The following PRKCB variants were observed in gnomAD, a reference collection of about 807,000 sequenced individuals.
PRKCB encodes the protein protein kinase C beta type.
In PRKCB, 13 loss-of-function variants were observed where a neutral mutation model predicts 81.5. The observed-to-expected ratio is 0.16, with a 90% CI of 0.10 to 0.25. PRKCB has a LOEUF of 0.25. Among genes scored for constraint, PRKCB ranks in the 10% least tolerant of loss-of-function variants. The pLI, the probability that PRKCB is intolerant of heterozygous loss-of-function variation, is 1.00. For missense variants in PRKCB, 509 were observed against 875.7 expected (o/e 0.58, Z 5.29); for synonymous variants, 335 against 321.4 (o/e 1.04, Z -0.45).
intron 15 of PRKCB, among the ~76,000 whole-genome samples, chr16:24,190,265 C>T (rs1033621410): frequency 6.6e-6 from 1 of 152,108 alleles, no homozygotes; most frequent in Non-Finnish European, 1.5e-5. Context: ...TTGACTAATA[C>T]TTTTTCTTCT....
chr16:23,997,996 T>C (rs993578948), intron 3 of PRKCB, among the ~76,000 whole-genome samples: 2 of 152,122 alleles, frequency 1.3e-5, no homozygotes, highest in Non-Finnish European at 2.9e-5. Flanking sequence ...TCTGTGAGGG[T>C]GTTTTCAAGA....
At chr16:24,175,101 T>C (rs1026915778) in intron 12 of PRKCB, among the ~76,000 whole-genome samples, 2 of 152,178 alleles carry the variant, frequency 1.3e-5, no homozygotes, top group Non-Finnish European at 2.9e-5. Flanking sequence ...CATAGCTGCA[T>C]GAGTCATACC....
intron 8 of PRKCB, among the ~76,000 whole-genome samples, chr16:24,113,653 A>AC (rs1470447577): frequency 6.6e-6 from 1 of 150,846 alleles, no homozygotes; most frequent in Non-Finnish European, 1.5e-5. Flanking sequence ...ATCAGTGGGA[A>AC]CCAGTTAGGT....
chr16:24,092,128 A>G (rs1333672255), intron 5 of PRKCB, among the ~76,000 whole-genome samples: 2 of 152,178 alleles, frequency 1.3e-5, no homozygotes, highest in East Asian at 1.9e-4. Flanking sequence ...AGAAATTTTC[A>G]TCACCTCTAA....
rs145483013 is a variant in PRKCB, at chr16:24,022,634, G to C, written c.289-9502G>C. ...AGCCTCCTGAGTAGCTGGGACTAGA[G>C]GTGCATGCCGCCACGCCCGGCTAAT... On this transcript the variant is annotated intron_variant, in intron 3 of 16. Transcript: ENST00000643927. Among the ~76,000 whole-genome samples, 1,013 of 152,206 alleles carry C rather than the reference G, an allele frequency of 6.7e-3. 8 individuals carry two copies. The highest frequency in any genetic ancestry group is 0.024 in the African/African-American group (978 of 41,514).
chr16:24,144,595 C>T (rs933893623), intron 9 of PRKCB, among the ~76,000 whole-genome samples: 1 of 152,230 alleles, frequency 6.6e-6, no homozygotes, highest in Non-Finnish European at 1.5e-5. Flanking sequence ...GCCACCAAGC[C>T]CGGCCACTAC....
intron 16 of PRKCB, among the ~76,000 whole-genome samples, chr16:24,200,412 G>C (rs904045679): frequency 1.3e-5 from 2 of 152,178 alleles, no homozygotes; most frequent in African/African-American, 2.4e-5. Flanking sequence ...TTAAACTTCA[G>C]ATCAAACCAG....
chr16:24,086,534 A>G (rs1377196297), intron 5 of PRKCB, among the ~76,000 whole-genome samples: 1 of 152,166 alleles, frequency 6.6e-6, no homozygotes, highest in African/African-American at 2.4e-5. Context: ...GTTTTTAAGT[A>G]TCACCCTGCG....
At chr16:24,108,344 AAT>A (rs1966607381) in intron 7 of PRKCB, among the ~76,000 whole-genome samples, 2 of 118,460 alleles carry the variant, frequency 1.7e-5, no homozygotes, top group African/African-American at 8.1e-5. Context: ...TTTTTTTTTA[AAT>A]TTATTTATTT....
intron 2 of PRKCB, among the ~76,000 whole-genome samples, chr16:23,923,709 T>C (rs1304459965): frequency 3.3e-5 from 5 of 152,090 alleles, no homozygotes; most frequent in Non-Finnish European, 7.4e-5. Context: ...TGTGCAGCTC[T>C]AATAATGACA....
At chr16:24,209,226 G>A (rs1034884319) in intron 16 of PRKCB, among the ~76,000 whole-genome samples, 8 of 152,188 alleles carry the variant, frequency 5.3e-5, no homozygotes, top group East Asian at 1.9e-4. Context: ...AGAAAAACAC[G>A]CACGGGTCTG....
chr16:23,841,867 G>A (rs1417095744), intron 2 of PRKCB, among the ~76,000 whole-genome samples: 3 of 151,882 alleles, frequency 2.0e-5, no homozygotes, highest in African/African-American at 7.3e-5. Context: ...CGTTGGTTAG[G>A]CTGGTCTCGA....
intron 2 of PRKCB, among the ~76,000 whole-genome samples, chr16:23,937,720 G>A (rs1470631845): frequency 3.3e-5 from 5 of 152,138 alleles, no homozygotes; most frequent in Non-Finnish European, 2.9e-5. Flanking sequence ...ACTCAGCTTC[G>A]TACCAAGTGG....
intron 2 of PRKCB, among the ~76,000 whole-genome samples, chr16:23,967,198 T>C (rs1224870324): frequency 6.6e-6 from 1 of 152,198 alleles, no homozygotes; most frequent in Non-Finnish European, 1.5e-5. Flanking sequence ...GTGGAGGTTA[T>C]TGTGGCTTTT....
At position 24,216,294 on chromosome 16, in the gene PRKCB, T is replaced by G. The variant is rs1968227208; in HGVS notation, c.*1478T>G. ...GTGAATGGGGCTCTTGATTTTCTTA[T>G]CAAAATCACCACTCCTCCCAGCTTG... On this transcript the variant is annotated 3_prime_UTR_variant, in exon 17 of 17. Transcript: ENST00000643927. 1 of 985,398 alleles carries G rather than the reference T, an allele frequency of 1.0e-6. No homozygotes were observed. Among genetic ancestry groups the G allele is most frequent in the Non-Finnish European group, 1.2e-6 (1 of 829,930 alleles). The allele number at this position is 985,398 out of a possible 1,614,324, so 61.0% of individuals were successfully genotyped here.
At chr16:24,012,278 C>T (rs996960651) in intron 3 of PRKCB, among the ~76,000 whole-genome samples, 2 of 152,296 alleles carry the variant, frequency 1.3e-5, no homozygotes, top group East Asian at 3.9e-4. Flanking sequence ...TAATCCTCAC[C>T]CTATGAGAAA....
chr16:23,853,576 A>G (rs1962510525), intron 2 of PRKCB, among the ~76,000 whole-genome samples: 2 of 152,228 alleles, frequency 1.3e-5, no homozygotes, highest in South Asian at 4.1e-4. Context: ...CAGTCTCCAA[A>G]GCCATAATTT....
chr16:24,121,183 G>A (rs1277724807), intron 8 of PRKCB, among the ~76,000 whole-genome samples: 3 of 152,264 alleles, frequency 2.0e-5, no homozygotes, highest in East Asian at 3.9e-4. Flanking sequence ...TTCCATAAAT[G>A]CTGTTCCTGC....
intron 5 of PRKCB, among the ~76,000 whole-genome samples, chr16:24,049,893 T>A (rs1965820171): frequency 6.6e-6 from 1 of 152,120 alleles, no homozygotes; most frequent in African/African-American, 2.4e-5. Context: ...CATCATGGAA[T>A]AAGGGATTTA....
Sources: gnomAD v4.1 joint callset for allele counts (sites outside exome capture counted in the v4.1 genomes callset) on GRCh38, gnomAD v4.1.1 for gene constraint, MANE v1.5 for transcripts, NCBI Gene and HGNC (gene_info 2026-07-23, HGNC 2026-07-21) for gene names.